The following QKI variants were observed in gnomAD, a reference collection of about 807,000 sequenced individuals.
The protein encoded by QKI is QKI, KH domain containing RNA binding, also known as KH domain-containing RNA-binding protein QKI.
A neutral mutation model predicts 39.0 loss-of-function variants in QKI; 10 were observed. The ratio of observed to expected loss-of-function variants is 0.26; its 90% CI spans 0.16 to 0.43. The LOEUF (loss-of-function observed/expected upper bound fraction) is 0.43. Ranked by LOEUF, QKI falls within the 20% of genes least tolerant of loss-of-function variation. QKI has a pLI of 1.00. For synonymous variants in QKI, 204 were observed against 155.4 expected, an observed-to-expected ratio of 1.31 and a Z score of -2.33; for missense variants, 218 against 428.0, an observed-to-expected ratio of 0.51 and a Z score of 4.33.
At chr6:163,457,494 T>C (rs1430152585) in intron 2 of QKI, 4 of 455,588 alleles carry the variant, frequency 8.8e-6, no homozygotes, top group Non-Finnish European at 1.8e-5. Flanking sequence ...ATCTACGCTT[T>C]CTGGGAACTG....
At chr6:163,523,551 C>T (rs1051149574) in intron 3 of QKI, among the ~76,000 whole-genome samples, 2 of 152,098 alleles carry the variant, frequency 1.3e-5, no homozygotes, top group African/African-American at 4.8e-5. Context: ...CCATGGATTC[C>T]ATAGTTCCTT....
intron 3 of QKI, among the ~76,000 whole-genome samples, chr6:163,513,069 TTTA>T (rs1357892618): frequency 2.6e-5 from 4 of 152,164 alleles, no homozygotes; most frequent in Admixed American, 1.3e-4. Flanking sequence ...TATACTCTAT[TTTA>T]TTGTTGTTCA....
intron 3 of QKI, among the ~76,000 whole-genome samples, chr6:163,499,717 C>G (rs1208756680): frequency 2.0e-5 from 3 of 152,094 alleles, no homozygotes. Flanking sequence ...ACCCGCCACC[C>G]CCTAGACTAT....
intron 4 of QKI, among the ~76,000 whole-genome samples, chr6:163,554,397 A>G (rs1782454694): frequency 1.3e-5 from 2 of 152,244 alleles, no homozygotes; most frequent in South Asian, 2.1e-4. Context: ...GTAGAGCCCT[A>G]CACTTAAGCA....
chr6:163,540,749 T>G (rs1447164261), intron 4 of QKI, among the ~76,000 whole-genome samples: 8 of 152,150 alleles, frequency 5.3e-5, no homozygotes, highest in Non-Finnish European at 7.4e-5. Flanking sequence ...TTCTTTGATT[T>G]TGATGATCAG....
intron 3 of QKI, among the ~76,000 whole-genome samples, chr6:163,510,730 A>G (rs1779395786): frequency 6.6e-6 from 1 of 152,202 alleles, no homozygotes; most frequent in Admixed American, 6.5e-5. Context: ...TGGATTCTTC[A>G]TAGTAACAAA....
At chr6:163,475,269 A>G (rs1792498093) in intron 2 of QKI, among the ~76,000 whole-genome samples, 2 of 152,218 alleles carry the variant, frequency 1.3e-5, no homozygotes, top group African/African-American at 4.8e-5. Context: ...CTGTGGATTC[A>G]ACCAACCTAG....
At chr6:163,476,854 G>C (rs1234603) in intron 2 of QKI, among the ~76,000 whole-genome samples, 1 of 151,978 alleles carries the variant, frequency 6.6e-6, no homozygotes, top group African/African-American at 2.4e-5. Context: ...TATTGTGACT[G>C]TATGGCAAAC....
intron 2 of QKI, among the ~76,000 whole-genome samples, chr6:163,462,350 A>G (rs912348080): frequency 2.6e-5 from 4 of 152,218 alleles, no homozygotes; most frequent in African/African-American, 7.2e-5. Context: ...TTTGTCTGCC[A>G]TAGAACACTG....
At position 163,473,293 on chromosome 6, in the gene QKI, A is replaced by C. The variant is rs969314999; in HGVS notation, c.286-5487A>C. 1.3e-5 allele frequency among the ~76,000 whole-genome samples: 2 copies of C among 152,166 alleles called. 1 individual carries two copies. The highest frequency in any genetic ancestry group is 4.1e-4 in the South Asian group (2 of 4,826). On this transcript the variant is annotated intron_variant, in intron 2 of 7. Coordinates refer to ENST00000361752, the MANE Select transcript of QKI (RefSeq NM_006775.3). ...AAAGGGGCTCTAAGAGAGTAGAACC[A>C]CGTAAGACTAACACTGAGGCATATC...
chr6:163,554,352 C>G (rs12523713), intron 4 of QKI, among the ~76,000 whole-genome samples: 12,124 of 152,266 alleles, frequency 0.08, 545 homozygotes, highest in Middle Eastern at 0.12. Flanking sequence ...TTCTGAGAAC[C>G]TCACAGAAAA....
At chr6:163,479,641 A>G (rs1471801294) in intron 3 of QKI, among the ~76,000 whole-genome samples, 1 of 152,210 alleles carries the variant, frequency 6.6e-6, no homozygotes, top group Non-Finnish European at 1.5e-5. Flanking sequence ...AAGGTCTGGG[A>G]TTATAGGCGT....
intron 7 of QKI, chr6:163,567,104 A>G (rs1783410737): frequency 9.6e-7 from 1 of 1,039,582 alleles, no homozygotes; most frequent in South Asian, 4.0e-5. Context: ...ATTTTCATTA[A>G]TAACTTTTGC....
At chr6:163,474,422 CTACAAAAGATTT>C (rs1340127399) in intron 2 of QKI, among the ~76,000 whole-genome samples, 1 of 151,946 alleles carries the variant, frequency 6.6e-6, no homozygotes, top group Non-Finnish European at 1.5e-5. Context: ...CCAAAAGAAT[CTACAAAAGATTT>C]ATGAGAGTCA....
At chr6:163,539,189 C>A (rs536820010) in intron 4 of QKI, among the ~76,000 whole-genome samples, 2 of 152,078 alleles carry the variant, frequency 1.3e-5, no homozygotes, top group East Asian at 3.9e-4. Flanking sequence ...CGGGGAGCCC[C>A]TGGATTTGGA....
intron 4 of QKI, among the ~76,000 whole-genome samples, chr6:163,544,779 A>G (rs1166639983): frequency 1.3e-5 from 2 of 152,132 alleles, no homozygotes; most frequent in Non-Finnish European, 2.9e-5. Flanking sequence ...GAAAATGTGG[A>G]TGCGTCTTTC....
intron 3 of QKI, among the ~76,000 whole-genome samples, chr6:163,507,113 C>T (rs893562385): frequency 1.1e-4 from 16 of 152,176 alleles, no homozygotes; most frequent in African/African-American, 3.6e-4. Flanking sequence ...TGTGCTGTAT[C>T]ACCTGTGAAT....
At chr6:163,484,063 C>T (rs1793282083) in intron 3 of QKI, among the ~76,000 whole-genome samples, 1 of 152,150 alleles carries the variant, frequency 6.6e-6, no homozygotes, top group Non-Finnish European at 1.5e-5. Context: ...TGACAATGAG[C>T]AGTAATATTT....
chr6:163,453,609 ACAC>A (rs1790730964), intron 1 of QKI, among the ~76,000 whole-genome samples: 1 of 152,178 alleles, frequency 6.6e-6, no homozygotes, highest in South Asian at 2.1e-4. Flanking sequence ...TTTAAGATAA[ACAC>A]CAAGTTGATA....
Sources: gnomAD v4.1 joint callset for allele counts (sites outside exome capture counted in the v4.1 genomes callset) on GRCh38, gnomAD v4.1.1 for gene constraint, MANE v1.5 for transcripts, NCBI Gene and HGNC (gene_info 2026-07-23, HGNC 2026-07-21) for gene names.